CD109: variants seen among roughly 807,000 people sequenced by gnomAD.
The protein encoded by CD109 is CD109 molecule.
In CD109, 149 loss-of-function variants were observed where a neutral mutation model predicts 165.8. The observed-to-expected ratio is 0.90, with a 90% CI of 0.79 to 1.03. The LOEUF (loss-of-function observed/expected upper bound fraction) is 1.03. CD109 is among the 50% of genes least tolerant of loss of function. The pLI is 0.00. For synonymous variants in CD109, 585 were observed against 592.1 expected (o/e 0.99, Z 0.18); for missense variants, 1,712 against 1,677.8 (o/e 1.02, Z -0.36).
chr6:73,791,196 T>TATATATATATACACACAC (rs1562071146), intron 22 of CD109, among the ~76,000 whole-genome samples: 1 of 22,288 alleles, frequency 4.5e-5, no homozygotes, highest in Admixed American at 8.1e-4. Context: ...CACATACATA[T>TATATATATATACACACAC]ATATATATAT....
chr6:73,804,137 C>T (rs2150290003), intron 24 of CD109: 1 of 152,406 alleles, frequency 6.6e-6, no homozygotes, highest in East Asian at 1.9e-4. Context: ...ATGGCTATGC[C>T]TAACCTCACT....
chr6:73,741,655 A>C (rs1247752587), intron 5 of CD109, among the ~76,000 whole-genome samples: 1 of 152,024 alleles, frequency 6.6e-6, no homozygotes, highest in Non-Finnish European at 1.5e-5. Flanking sequence ...AAATAATTGC[A>C]CATGGTTTTT....
At chr6:73,800,151 G>A (rs1232122286) in intron 23 of CD109, among the ~76,000 whole-genome samples, 10 of 151,950 alleles carry the variant, frequency 6.6e-5, no homozygotes, top group African/African-American at 1.7e-4. Flanking sequence ...GAACCTTGGC[G>A]CCTCGCCTCA....
chr6:73,822,257 G>A (rs935886959), intron 32 of CD109, among the ~76,000 whole-genome samples: 5 of 152,156 alleles, frequency 3.3e-5, no homozygotes, highest in East Asian at 3.8e-4. Context: ...TTGAATAAGC[G>A]CTTGTGGTGG....
chr6:73,737,101 A>G (rs1772575554), intron 5 of CD109, among the ~76,000 whole-genome samples: 1 of 152,244 alleles, frequency 6.6e-6, no homozygotes, highest in African/African-American at 2.4e-5. Flanking sequence ...GATGGAAACA[A>G]TTTTAAAAAG....
intron 5 of CD109, among the ~76,000 whole-genome samples, chr6:73,750,406 A>G (rs946336799): frequency 4.6e-5 from 7 of 152,330 alleles, no homozygotes; most frequent in Middle Eastern, 3.4e-3. Context: ...GTTCAGGCAC[A>G]GAGCAGAGGG....
At chr6:73,744,915 T>C (rs114449606) in intron 5 of CD109, among the ~76,000 whole-genome samples, 50 of 152,300 alleles carry the variant, frequency 3.3e-4, no homozygotes, top group African/African-American at 1.2e-3. Context: ...GACTCAGTGC[T>C]ATAGATGATC....
chr6:73,684,071 T>C, the CD109 span, among the ~76,000 whole-genome samples: 1 of 152,214 alleles, frequency 6.6e-6, no homozygotes, highest in Admixed American at 6.5e-5. Flanking sequence ...AATGGTGCAA[T>C]GAACATGGGA....
intron 2 of CD109, among the ~76,000 whole-genome samples, chr6:73,704,601 A>G (rs1359832656): frequency 6.6e-6 from 1 of 152,250 alleles, no homozygotes; most frequent in Non-Finnish European, 1.5e-5. Context: ...TGGTGGAAAT[A>G]GAAAACAGAT....
intron 30 of CD109, 34 bp downstream of exon 30, chr6:73,815,157 C>T (rs2150306199): frequency 6.6e-7 from 1 of 1,517,660 alleles, no homozygotes; most frequent in African/African-American, 1.4e-5. Flanking sequence ...TTCTTTTTTT[C>T]CTTTAAAAAA....
At chr6:73,700,034 C>T (rs1269623017) in intron 2 of CD109, among the ~76,000 whole-genome samples, 1 of 152,174 alleles carries the variant, frequency 6.6e-6, no homozygotes, top group Admixed American at 6.5e-5. Context: ...GATGTGGATT[C>T]ATGTTTTGTT....
intron 9 of CD109, 46 bp from the exon 10 acceptor site, chr6:73,763,530 G>A: frequency 9.1e-7 from 1 of 1,104,642 alleles, no homozygotes; most frequent in Non-Finnish European, 1.3e-6. Flanking sequence ...GAAGCTTTGG[G>A]TGAAACATTA....
At chr6:73,757,635 G>T (rs944451962) in intron 6 of CD109, among the ~76,000 whole-genome samples, 10 of 152,104 alleles carry the variant, frequency 6.6e-5, no homozygotes, top group Admixed American at 6.5e-4. Flanking sequence ...AATGTGGCTA[G>T]TCCAGATGGA....
Position 73,780,450 on chromosome 6 carries a change from C to T in CD109, c.1854C>T (p.Asn618=), listed in dbSNP as rs1343661752. Residue 618 remains asparagine (N), a synonymous_variant, in exon 16 of 33, where the codon AAC becomes AAT. Coordinates refer to ENST00000287097, the MANE Select transcript of CD109 (RefSeq NM_133493.5). The part of the protein sequence containing the change: ...ENVVHELELY[N]TGYYLGMFMN... ...TGGTCCATGAGTTGGAACTTTATAA[C>T]ACAGGATATTATTTAGGCATGTTCA... The T allele has an allele frequency of 6.2e-7, 1 of 1,607,868 alleles. No homozygotes were observed. The highest frequency in any genetic ancestry group is 8.5e-7 in the Non-Finnish European group (1 of 1,175,166).
At chr6:73,691,612 G>A (rs377518728), upstream of CD109, among the ~76,000 whole-genome samples, 2 of 152,274 alleles carry the variant, frequency 1.3e-5, no homozygotes, top group South Asian at 4.1e-4. Flanking sequence ...TGGTAAGATG[G>A]ACATGGGTTC....
chr6:73,791,176 T>TATAC lies in CD109; in HGVS notation c.2702-1449_2702-1448insTACA, dbSNP rs1251422367. On this transcript the variant is annotated intron_variant, in intron 22 of 32. Coordinates refer to ENST00000287097, the MANE Select transcript of CD109 (RefSeq NM_133493.5). Reference sequence around the variant, plus strand: ...ATATATATATATATATATATATATATACACACACACACATACATATATATA... The same window carrying TATAC: ...ATATATATATATATATATATATATATATACACACACACACACATACATATATATA... 1.5e-3 allele frequency among the ~76,000 whole-genome samples: 37 copies of TATAC among 24,132 alleles called. 1 individual carries two copies. Among genetic ancestry groups the TATAC allele is most frequent in the East Asian group, 9.6e-3 (6 of 626 alleles). 15.8% of individuals were successfully genotyped at this position (24,132 alleles called of 152,430 possible).
chr6:73,756,261 C>A (rs1439535358), intron 5 of CD109, among the ~76,000 whole-genome samples: 1 of 152,172 alleles, frequency 6.6e-6, no homozygotes, highest in African/African-American at 2.4e-5. Flanking sequence ...CAAAACAAAT[C>A]TGCAGTTATT....
chr6:73,791,172 TATATACACACAC>T (rs1774937293), intron 22 of CD109, among the ~76,000 whole-genome samples: 3 of 32,504 alleles, frequency 9.2e-5, no homozygotes, highest in African/African-American at 3.5e-4. Context: ...TATATATATA[TATATACACACAC>T]ACACATACAT....
intron 7 of CD109, among the ~76,000 whole-genome samples, chr6:73,761,226 A>G (rs144042596): frequency 1.3e-5 from 2 of 152,238 alleles, no homozygotes; most frequent in Non-Finnish European, 2.9e-5. Context: ...AACATGTAGC[A>G]ATAGACCATG....
Sources: gnomAD v4.1 joint callset for allele counts (sites outside exome capture counted in the v4.1 genomes callset) on GRCh38, gnomAD v4.1.1 for gene constraint, MANE v1.5 for transcripts, NCBI Gene and HGNC (gene_info 2026-07-23, HGNC 2026-07-21) for gene names.